Variants in SGCD observed in about 807,000 individuals in gnomAD.
SGCD encodes delta-sarcoglycan.
In SGCD, 18 loss-of-function variants were observed where a neutral mutation model predicts 36.6. The observed-to-expected ratio is 0.49, with a 90% CI of 0.34 to 0.73. SGCD has a LOEUF of 0.73. Ranked by LOEUF, SGCD falls within the 30% of genes least tolerant of loss-of-function variation. The probability of loss-of-function intolerance (pLI) is 0.01; values close to 1 mark genes in which losing one functional copy is unlikely to be tolerated. For missense variants in SGCD, 387 were observed against 346.7 expected (o/e 1.12, Z -0.92); for synonymous variants, 133 against 130.6 (o/e 1.02, Z -0.12).
chr5:156,271,633 A>ATGTG (rs774618283), intron 3 of SGCD, among the ~76,000 whole-genome samples: 3 of 151,540 alleles, frequency 2.0e-5, no homozygotes, highest in East Asian at 1.9e-4. Context: ...ATGTGTGTGT[A>ATGTG]TGTGTGTGTG....
At chr5:156,203,222 T>G (rs993834696) in intron 3 of SGCD, among the ~76,000 whole-genome samples, 1 of 152,152 alleles carries the variant, frequency 6.6e-6, no homozygotes, top group African/African-American at 2.4e-5. Flanking sequence ...TTCAATTATG[T>G]TATATCTGTA....
chr5:156,041,090 C>T (rs1354034366), intron 1 of SGCD, among the ~76,000 whole-genome samples: 1 of 152,176 alleles, frequency 6.6e-6, no homozygotes, highest in Non-Finnish European at 1.5e-5. Context: ...CCAGCATCAG[C>T]TCAATGTCAG....
intron 6 of SGCD, among the ~76,000 whole-genome samples, chr5:156,622,540 ATT>A (rs34691909): frequency 6.2e-4 from 92 of 148,708 alleles, no homozygotes; most frequent in Middle Eastern, 7.0e-3. Context: ...ACAAAGACAG[ATT>A]TTTTTTTTGT....
chr5:156,549,091 T>G (rs928267877), intron 4 of SGCD, among the ~76,000 whole-genome samples: 1 of 148,966 alleles, frequency 6.7e-6, no homozygotes, highest in African/African-American at 2.6e-5. Context: ...TTATGCAGTC[T>G]AAAAATGAAA....
chr5:156,354,268 G>A (rs2127724926), intron 3 of SGCD, among the ~76,000 whole-genome samples: 1 of 152,294 alleles, frequency 6.6e-6, no homozygotes, highest in Non-Finnish European at 1.5e-5. Flanking sequence ...GGTGGTGGAA[G>A]CAGAGAAAGC....
At chr5:155,926,598 A>G (rs1757001296) in intron 1 of SGCD, among the ~76,000 whole-genome samples, 1 of 152,216 alleles carries the variant, frequency 6.6e-6, no homozygotes, top group South Asian at 2.1e-4. Context: ...AATCAAATCC[A>G]AGGAAAGAAA....
chr5:156,641,443 G>A (rs1306367352), intron 6 of SGCD, among the ~76,000 whole-genome samples: 1 of 152,128 alleles, frequency 6.6e-6, no homozygotes, highest in Non-Finnish European at 1.5e-5. Flanking sequence ...AGAAGATAGT[G>A]TTCATTACTC....
At chr5:155,734,081 TATATA>T in the SGCD span, among the ~76,000 whole-genome samples, 12 of 147,110 alleles carry the variant, frequency 8.2e-5, no homozygotes, top group African/African-American at 2.0e-4. Flanking sequence ...ATATTATTAT[TATATA>T]ATATAATAAT....
intron 7 of SGCD, among the ~76,000 whole-genome samples, chr5:156,744,151 C>A (rs371178474): frequency 6.6e-5 from 10 of 152,220 alleles, no homozygotes; most frequent in African/African-American, 1.9e-4. Flanking sequence ...ACCCCTGTCT[C>A]TATAAATCCA....
intron 1 of SGCD, among the ~76,000 whole-genome samples, chr5:155,966,114 C>T (rs923313907): frequency 6.6e-6 from 1 of 152,064 alleles, no homozygotes; most frequent in Non-Finnish European, 1.5e-5. Context: ...AGGAGTGTGT[C>T]GATGCTGAGA....
the SGCD span, among the ~76,000 whole-genome samples, chr5:155,817,735 T>C: frequency 6.6e-6 from 1 of 152,178 alleles, no homozygotes; most frequent in Non-Finnish European, 1.5e-5. Context: ...AGTCTGAGCA[T>C]ATCTTAATAC....
chr5:156,422,737 G>A (rs185370897), intron 3 of SGCD, among the ~76,000 whole-genome samples: 80 of 152,058 alleles, frequency 5.3e-4, no homozygotes, highest in Admixed American at 4.0e-3. Flanking sequence ...ATCAACATCT[G>A]TAACCTCTGT....
intron 3 of SGCD, among the ~76,000 whole-genome samples, chr5:156,311,445 A>G (rs1453741801): frequency 6.6e-6 from 1 of 152,216 alleles, no homozygotes; most frequent in African/African-American, 2.4e-5. Flanking sequence ...TAATTGGTTT[A>G]CTAAAATGAT....
rs1050426154 is a variant in SGCD at position 156,560,370 on chromosome 5, G to A, written c.295-28861G>A. Among the ~76,000 whole-genome samples, 3 of 152,140 alleles carry A rather than the reference G, an allele frequency of 2.0e-5. No homozygotes were observed. In the East Asian group the frequency reaches 5.8e-4, roughly 29 times the overall value. On this transcript the variant is annotated intron_variant, in intron 4 of 8. Coordinates refer to ENST00000337851, the MANE Select transcript of SGCD (RefSeq NM_000337.6). ...TGGCATGTAATTAAATTTAAGTAAT[G>A]TTACATCAGCTGGTTGAAGAGGGAA...
intron 2 of SGCD, among the ~76,000 whole-genome samples, chr5:156,341,491 A>G (rs2127713616): frequency 6.6e-6 from 1 of 152,266 alleles, no homozygotes; most frequent in Admixed American, 6.5e-5. Flanking sequence ...CCTGAGCTCC[A>G]GATTCTGAAA....
chr5:155,966,745 AG>A (rs1288391446), intron 1 of SGCD, among the ~76,000 whole-genome samples: 1 of 152,144 alleles, frequency 6.6e-6, no homozygotes, highest in Admixed American at 6.6e-5. Flanking sequence ...TGGTTAGCAC[AG>A]GGGTAAGTCC....
At chr5:156,030,331 A>T (rs1759318366) in intron 1 of SGCD, among the ~76,000 whole-genome samples, 1 of 152,198 alleles carries the variant, frequency 6.6e-6, no homozygotes. Flanking sequence ...GGTAAGAGTG[A>T]GTCCTAATCC....
chr5:156,289,466 A>C, intron 3 of SGCD, among the ~76,000 whole-genome samples: 1 of 144,912 alleles, frequency 6.9e-6, no homozygotes, highest in Admixed American at 6.9e-5. Context: ...TCCACCCCTC[A>C]CCCCCCACAG....
intron 3 of SGCD, among the ~76,000 whole-genome samples, chr5:156,188,195 C>T (rs879945096): frequency 2.0e-5 from 3 of 152,114 alleles, no homozygotes; most frequent in Non-Finnish European, 4.4e-5. Flanking sequence ...GACATATTTC[C>T]TGAGCACCAG....
Sources: gnomAD v4.1 joint callset for allele counts (sites outside exome capture counted in the v4.1 genomes callset) on GRCh38, gnomAD v4.1.1 for gene constraint, MANE v1.5 for transcripts, NCBI Gene and HGNC (gene_info 2026-07-23, HGNC 2026-07-21) for gene names.